GALNT13: variants seen among roughly 807,000 people sequenced by gnomAD.
GALNT13 encodes the protein polypeptide N-acetylgalactosaminyltransferase 13, also known as UDP-GalNAc:polypeptide N-acetylgalactosaminyltransferase 13.
GALNT13 carries 28 observed loss-of-function variants against 64.2 expected under a neutral mutation model. That is an observed-to-expected ratio of 0.44 (90% CI 0.32 to 0.60). GALNT13 has a LOEUF of 0.60. GALNT13 is among the 20% of genes least tolerant of loss of function. The pLI, the probability that GALNT13 is intolerant of heterozygous loss-of-function variation, is 0.05. For missense variants in GALNT13, 577 were observed against 669.8 expected, an observed-to-expected ratio of 0.86 and a Z score of 1.53; for synonymous variants, 214 against 224.6, an observed-to-expected ratio of 0.95 and a Z score of 0.42.
intron 9 of GALNT13, among the ~76,000 whole-genome samples, chr2:154,342,027 T>TGG (rs1695799418): frequency 6.6e-6 from 1 of 151,974 alleles, no homozygotes; most frequent in South Asian, 2.1e-4. Context: ...TAGAAAGACT[T>TGG]GGGGAGGAGA....
the GALNT13 span, among the ~76,000 whole-genome samples, chr2:153,399,112 G>A: frequency 8.0e-3 from 1,068 of 133,820 alleles, 19 homozygotes; most frequent in African/African-American, 0.028. Flanking sequence ...AAGGTGTAAG[G>A]AAGGGATCCA....
chr2:154,416,043 A>G (rs751988762), intron 11 of GALNT13, among the ~76,000 whole-genome samples: 8 of 152,162 alleles, frequency 5.3e-5, no homozygotes, highest in Non-Finnish European at 1.2e-4. Context: ...CAACTTCTAT[A>G]GAAACAGGAA....
chr2:153,492,868 T>C, the GALNT13 span, among the ~76,000 whole-genome samples: 2 of 152,308 alleles, frequency 1.3e-5, no homozygotes, highest in African/African-American at 4.8e-5. Context: ...ATAGTTAAAT[T>C]AGTATTCATT....
the GALNT13 span, among the ~76,000 whole-genome samples, chr2:153,559,355 C>T: frequency 6.6e-6 from 1 of 152,064 alleles, no homozygotes; most frequent in Non-Finnish European, 1.5e-5. Context: ...CTATTTTTCA[C>T]CATGCCACAG....
chr2:153,327,736 A>G, the GALNT13 span, among the ~76,000 whole-genome samples: 1 of 151,922 alleles, frequency 6.6e-6, no homozygotes, highest in East Asian at 2.0e-4. Flanking sequence ...ATTGTGTTAG[A>G]ACATGTTCCT....
At chr2:153,592,310 C>T in the GALNT13 span, among the ~76,000 whole-genome samples, 4 of 152,070 alleles carry the variant, frequency 2.6e-5, no homozygotes, top group Non-Finnish European at 4.4e-5. Flanking sequence ...GTAACTGTAA[C>T]TCAATCCAGC....
chr2:153,915,186 G>A (rs995175160), intron 2 of GALNT13, among the ~76,000 whole-genome samples: 5 of 152,080 alleles, frequency 3.3e-5, no homozygotes, highest in South Asian at 2.1e-4. Context: ...CCCTTCCTGA[G>A]AAACTATAGC....
At chr2:153,714,071 A>G in the GALNT13 span, among the ~76,000 whole-genome samples, 1 of 152,178 alleles carries the variant, frequency 6.6e-6, no homozygotes, top group South Asian at 2.1e-4. Flanking sequence ...TGTTGTACTG[A>G]AACATCACAT....
the GALNT13 span, among the ~76,000 whole-genome samples, chr2:153,707,352 A>G: frequency 6.6e-6 from 1 of 152,172 alleles, no homozygotes; most frequent in Non-Finnish European, 1.5e-5. Context: ...CATTCATCCT[A>G]ATACTGAAAA....
the GALNT13 span, among the ~76,000 whole-genome samples, chr2:153,207,101 A>G: frequency 6.6e-6 from 1 of 152,054 alleles, no homozygotes; most frequent in Non-Finnish European, 1.5e-5. Context: ...AATGTTTTGC[A>G]TTTTGTTCAT....
chr2:153,665,186 T>C, the GALNT13 span, among the ~76,000 whole-genome samples: 242 of 152,312 alleles, frequency 1.6e-3, no homozygotes, highest in African/African-American at 5.6e-3. Flanking sequence ...ATGTCTAGAA[T>C]GGAGAATATC....
At chr2:153,640,430 AAC>A in the GALNT13 span, among the ~76,000 whole-genome samples, 803 of 152,244 alleles carry the variant, frequency 5.3e-3, 8 homozygotes, top group African/African-American at 0.018. Flanking sequence ...GGATCATAAA[AAC>A]ACAGTATAAT....
the GALNT13 span, among the ~76,000 whole-genome samples, chr2:153,814,396 C>T: frequency 2.0e-5 from 3 of 152,042 alleles, no homozygotes; most frequent in Non-Finnish European, 4.4e-5. Flanking sequence ...GCCGAGATAG[C>T]GCCACTGCAC....
At chr2:153,538,326 C>CTTTTTTTTTTTTTTTTCTTTTTTTT in the GALNT13 span, among the ~76,000 whole-genome samples, 1 of 100,846 alleles carries the variant, frequency 9.9e-6, no homozygotes, top group Non-Finnish European at 2.2e-5. Context: ...TTTTTTAATT[C>CTTTTTTTTTTTTTTTTCTTTTTTTT]TTTTTTTTTT....
At chr2:153,668,295 T>C in the GALNT13 span, among the ~76,000 whole-genome samples, 7 of 152,146 alleles carry the variant, frequency 4.6e-5, no homozygotes, top group Non-Finnish European at 1.0e-4. Flanking sequence ...CCAACAATTA[T>C]AGAATATACA....
intron 3 of GALNT13, among the ~76,000 whole-genome samples, chr2:154,121,044 T>G (rs558722205): frequency 2.4e-4 from 37 of 152,324 alleles, no homozygotes; most frequent in African/African-American, 8.7e-4. Flanking sequence ...CTTCTTCCTT[T>G]GTAGAAACTG....
rs574164605 is a variant in GALNT13, at chr2:154,086,020, C to T, written c.143-54317C>T. Among the ~76,000 whole-genome samples, 15 of 151,586 alleles carry T rather than the reference C, an allele frequency of 9.9e-5. No individual in the cohort carries two copies. The South Asian group carries it at 3.1e-3, about 32-fold the overall frequency. ...AAAGCTGTTATACTATGGTTGTTGC[C>T]CATTGTCAGTAGGCAACATTTCAAT... On this transcript the variant is annotated intron_variant, in intron 3 of 12. Coordinates refer to ENST00000392825, the MANE Select transcript of GALNT13 (RefSeq NM_052917.4).
the GALNT13 span, among the ~76,000 whole-genome samples, chr2:153,202,846 T>C: frequency 6.6e-6 from 1 of 152,212 alleles, no homozygotes; most frequent in Non-Finnish European, 1.5e-5. Context: ...AATTTAAAAA[T>C]ACGTGTTATT....
chr2:154,397,538 A>C (rs138912848), intron 10 of GALNT13, among the ~76,000 whole-genome samples: 1 of 152,252 alleles, frequency 6.6e-6, no homozygotes, highest in Non-Finnish European at 1.5e-5. Flanking sequence ...TAATGGTAGA[A>C]TATCTGAAAA....
Sources: allele counts gnomAD v4.1 joint callset (sites outside exome capture counted in the v4.1 genomes callset), GRCh38; gene constraint gnomAD v4.1.1; transcripts MANE v1.5; gene names NCBI Gene and HGNC (gene_info 2026-07-23, HGNC 2026-07-21).